Variants in SIAH3 observed in about 807,000 individuals in gnomAD.
SIAH3 encodes the protein siah E3 ubiquitin protein ligase family member 3, also known as seven in absentia homolog 3.
A neutral mutation model predicts 12.6 loss-of-function variants in SIAH3; 9 were observed. That is an observed-to-expected ratio of 0.72 (90% CI 0.43 to 1.25). SIAH3 has a LOEUF of 1.25. Ranked by LOEUF, SIAH3 falls within the 50% of genes most tolerant of loss-of-function variation. SIAH3 has a pLI of 0.00. For synonymous variants in SIAH3, 154 were observed against 151.1 expected, an observed-to-expected ratio of 1.02 and a Z score of -0.14; for missense variants, 390 against 365.4, an observed-to-expected ratio of 1.07 and a Z score of -0.55.
chr13:45,827,952 C>T (rs1315694154), intron 1 of SIAH3, among the ~76,000 whole-genome samples: 1 of 152,206 alleles, frequency 6.6e-6, no homozygotes, highest in African/African-American at 2.4e-5. Context: ...TAATGCACTA[C>T]TGTCACTGCT....
chr13:45,790,323 AG>A (rs1448077719), intron 1 of SIAH3, among the ~76,000 whole-genome samples: 22 of 152,228 alleles, frequency 1.4e-4, no homozygotes, highest in Admixed American at 6.5e-5. Context: ...TTTCAAACCA[AG>A]ATCTATGGGT....
intron 1 of SIAH3, among the ~76,000 whole-genome samples, chr13:45,799,686 G>C (rs892821754): frequency 6.6e-6 from 1 of 152,182 alleles, no homozygotes; most frequent in Non-Finnish European, 1.5e-5. Flanking sequence ...TGTGGGCACT[G>C]TGCCCCAGGC....
At chr13:45,794,762 C>T (rs1950557030) in intron 1 of SIAH3, among the ~76,000 whole-genome samples, 1 of 152,110 alleles carries the variant, frequency 6.6e-6, no homozygotes, top group South Asian at 2.1e-4. Context: ...TTATAAATTA[C>T]CCAGTCTCAG....
In SIAH3 at chr13:45,793,729, A is replaced by T. The variant is rs190793229; in HGVS notation, c.136-9672T>A. On this transcript the variant is annotated intron_variant, in intron 1 of 1. Transcript: ENST00000400405. ...CACCCTCATTGCCTCTCTGGGCTAC[A>T]CAATAGCCTTCTAACTAGTTATGAT... 7.9e-5 allele frequency among the ~76,000 whole-genome samples: 12 copies of T among 152,320 alleles called. No homozygotes were observed. The East Asian group carries it at 1.5e-3, about 20-fold the overall frequency.
chr13:45,840,384 C>A (rs1950735936), intron 1 of SIAH3, among the ~76,000 whole-genome samples: 1 of 152,182 alleles, frequency 6.6e-6, no homozygotes, highest in Admixed American at 6.5e-5. Flanking sequence ...AATGAATTAT[C>A]CTGAGGATTT....
rs568872009 is a variant in SIAH3 at position 45,804,375 on chromosome 13, A to G, written c.136-20318T>C. Among the ~76,000 whole-genome samples, 305 of 152,306 alleles carry G rather than the reference A, an allele frequency of 2.0e-3. 1 individual carries two copies. Among genetic ancestry groups the G allele is most frequent in the African/African-American group, 6.8e-3 (283 of 41,568 alleles). The stretch of plus-strand genomic sequence containing the variant: ...TACATGAACTGTCCAGAATAGGCAA[A>G]TGCACAGATACAGAAAAAAGATGGG... On this transcript the variant is annotated intron_variant, in intron 1 of 1. Transcript: ENST00000400405.
At chr13:45,814,795 G>T (rs113028936) in intron 1 of SIAH3, among the ~76,000 whole-genome samples, 3 of 151,292 alleles carry the variant, frequency 2.0e-5, no homozygotes, top group Non-Finnish European at 4.4e-5. Flanking sequence ...GTGCGATCTC[G>T]CACTGCAACC....
intron 1 of SIAH3, among the ~76,000 whole-genome samples, chr13:45,797,634 A>G (rs1432852692): frequency 3.3e-5 from 5 of 152,170 alleles, no homozygotes; most frequent in Admixed American, 6.5e-5. Context: ...GCATCTTGTT[A>G]AAATGCACAC....
chr13:45,803,739 A>G (rs1950590131), intron 1 of SIAH3, among the ~76,000 whole-genome samples: 1 of 152,190 alleles, frequency 6.6e-6, no homozygotes, highest in South Asian at 2.1e-4. Flanking sequence ...CATAGCTTCT[A>G]TGCTATACAT....
intron 1 of SIAH3, among the ~76,000 whole-genome samples, chr13:45,814,238 C>CAAAAAAAAA (rs56377017): frequency 1.4e-5 from 1 of 72,722 alleles, no homozygotes. Context: ...GACTCTGTCT[C>CAAAAAAAAA]AAAAAAAAAA....
intron 1 of SIAH3, 92 bp from the exon 2 acceptor site, chr13:45,784,149 C>T: frequency 8.6e-7 from 1 of 1,163,670 alleles, no homozygotes; most frequent in Non-Finnish European, 1.2e-6. Flanking sequence ...AAAAGCAGAT[C>T]CTCCAGTGCA....
chr13:45,845,683 C>T (rs1161651662), intron 1 of SIAH3, among the ~76,000 whole-genome samples: 1 of 152,096 alleles, frequency 6.6e-6, no homozygotes, highest in Admixed American at 6.6e-5. Flanking sequence ...GTATGTTTCT[C>T]TTAAAAATGT....
At chr13:45,811,196 T>C (rs1364789910) in intron 1 of SIAH3, among the ~76,000 whole-genome samples, 2 of 152,092 alleles carry the variant, frequency 1.3e-5, no homozygotes, top group African/African-American at 4.8e-5. Flanking sequence ...TGGGACACAG[T>C]AGTTGGTAAT....
At chr13:45,824,812 A>G (rs1161036406) in intron 1 of SIAH3, among the ~76,000 whole-genome samples, 1 of 152,064 alleles carries the variant, frequency 6.6e-6, no homozygotes, top group Non-Finnish European at 1.5e-5. Flanking sequence ...TCATTTATTA[A>G]AAAACAAAAA....
chr13:45,813,935 G>T (rs1024000625), intron 1 of SIAH3, among the ~76,000 whole-genome samples: 4 of 152,064 alleles, frequency 2.6e-5, no homozygotes, highest in Non-Finnish European at 5.9e-5. Context: ...GAATCTTGGG[G>T]TGATAAAAAA....
intron 1 of SIAH3, among the ~76,000 whole-genome samples, chr13:45,847,754 G>A (rs903689687): frequency 1.3e-5 from 2 of 151,992 alleles, no homozygotes; most frequent in Non-Finnish European, 2.9e-5. Flanking sequence ...TTGCCAGAAA[G>A]CATTTTACTA....
chr13:45,790,826 A>G (rs1950543553), intron 1 of SIAH3, among the ~76,000 whole-genome samples: 1 of 152,210 alleles, frequency 6.6e-6, no homozygotes, highest in Admixed American at 6.5e-5. Context: ...CTTGTGAAGT[A>G]GTTAAGCAGC....
At chr13:45,803,493 G>A (rs191414232) in intron 1 of SIAH3, among the ~76,000 whole-genome samples, 8 of 152,302 alleles carry the variant, frequency 5.3e-5, no homozygotes, top group Admixed American at 4.6e-4. Flanking sequence ...GAAAACTCTG[G>A]CCAAGGAAGG....
chr13:45,847,309 C>A (rs1244561970), intron 1 of SIAH3, among the ~76,000 whole-genome samples: 1 of 152,198 alleles, frequency 6.6e-6, no homozygotes, highest in Admixed American at 6.5e-5. Context: ...CATTGAGCCA[C>A]CTGCTGTGCT....
Sources: allele counts gnomAD v4.1 joint callset (sites outside exome capture counted in the v4.1 genomes callset), GRCh38; gene constraint gnomAD v4.1.1; transcripts MANE v1.5; gene names NCBI Gene and HGNC (gene_info 2026-07-23, HGNC 2026-07-21).